The following SENP7 variants were observed in gnomAD, a reference collection of about 807,000 sequenced individuals.
The protein encoded by SENP7 is sentrin-specific protease 7.
Under a neutral mutation model 141.2 loss-of-function variants are expected in SENP7, and 64 were observed. The observed-to-expected ratio is 0.45, with a 90% CI of 0.37 to 0.56. The LOEUF (loss-of-function observed/expected upper bound fraction) is 0.56, where lower values mean the gene tolerates loss of function less well. Among genes scored for constraint, SENP7 ranks in the 20% least tolerant of loss-of-function variants. SENP7 has a pLI of 0.00. For synonymous variants in SENP7, 382 were observed against 426.4 expected (o/e 0.90, Z 1.28); for missense variants, 1,025 against 1,212.2 (o/e 0.85, Z 2.29).
chr3:101,335,978 C>G (rs1171231414), intron 17 of SENP7, among the ~76,000 whole-genome samples: 2 of 152,142 alleles, frequency 1.3e-5, no homozygotes, highest in Non-Finnish European at 2.9e-5. Context: ...CCCAGTTTGT[C>G]TAGAAAAGCC....
intron 10 of SENP7, among the ~76,000 whole-genome samples, chr3:101,363,424 C>A (rs2059952310): frequency 6.6e-6 from 1 of 152,110 alleles, no homozygotes; most frequent in South Asian, 2.1e-4. Flanking sequence ...AGAGATGTGG[C>A]ATTCTGCCTT....
intron 3 of SENP7, among the ~76,000 whole-genome samples, chr3:101,487,602 T>C (rs1206113234): frequency 6.6e-6 from 1 of 152,242 alleles, no homozygotes; most frequent in Non-Finnish European, 1.5e-5. Context: ...AGGTTTTACA[T>C]TTAAATCTTT....
intron 11 of SENP7, 87 bp downstream of exon 11, chr3:101,361,628 T>C: frequency 7.7e-7 from 1 of 1,303,758 alleles, no homozygotes; most frequent in African/African-American, 1.5e-5. Flanking sequence ...AATTCTATTC[T>C]TATTTGTGCT....
At chr3:101,427,101 G>A (rs942815354) in intron 4 of SENP7, among the ~76,000 whole-genome samples, 1 of 152,076 alleles carries the variant, frequency 6.6e-6, no homozygotes, top group African/African-American at 2.4e-5. Context: ...ACAAAATACA[G>A]GCAAATCAAA....
chr3:101,404,200 T>C (rs1001261231), intron 5 of SENP7, among the ~76,000 whole-genome samples: 1 of 152,206 alleles, frequency 6.6e-6, no homozygotes, highest in Middle Eastern at 3.4e-3. Flanking sequence ...CAAAACAGCA[T>C]GGTACTGGTA....
chr3:101,501,821 AT>A (rs1332227868), intron 1 of SENP7, among the ~76,000 whole-genome samples: 3 of 152,370 alleles, frequency 2.0e-5, no homozygotes, highest in Non-Finnish European at 2.9e-5. Flanking sequence ...TACTAAAAAA[AT>A]AAATGGCAGA....
chr3:101,448,178 G>A (rs1294985089), intron 4 of SENP7, among the ~76,000 whole-genome samples: 1 of 152,116 alleles, frequency 6.6e-6, no homozygotes, highest in African/African-American at 2.4e-5. Flanking sequence ...TCATGACCTT[G>A]GATTAGGCAG....
At chr3:101,376,749 C>T (rs980350858) in intron 6 of SENP7, among the ~76,000 whole-genome samples, 2 of 151,706 alleles carry the variant, frequency 1.3e-5, no homozygotes, top group African/African-American at 2.4e-5. Context: ...CAAACCTGCA[C>T]GTTGTGCACA....
intron 22 of SENP7, 137 bp downstream of exon 22, chr3:101,328,341 G>A (rs1405298389): frequency 3.5e-6 from 2 of 578,696 alleles, no homozygotes; most frequent in East Asian, 2.8e-5. Flanking sequence ...ATTTATTATT[G>A]ATTAAATTTA....
At chr3:101,469,221 T>C in intron 3 of SENP7, among the ~76,000 whole-genome samples, 1 of 151,930 alleles carries the variant, frequency 6.6e-6, no homozygotes. Context: ...AGCAAGTCCT[T>C]AGAGAATACA....
intron 6 of SENP7, among the ~76,000 whole-genome samples, chr3:101,385,207 C>T (rs914842742): frequency 5.3e-5 from 8 of 151,788 alleles, no homozygotes; most frequent in African/African-American, 1.9e-4. Context: ...GAAGCATTGA[C>T]ATATAGACAA....
At chr3:101,353,900 A>G (rs544547106) in intron 11 of SENP7, among the ~76,000 whole-genome samples, 1 of 151,980 alleles carries the variant, frequency 6.6e-6, no homozygotes, top group South Asian at 2.1e-4. Context: ...GTAGGTAGTC[A>G]CTGAATATAT....
intron 7 of SENP7, among the ~76,000 whole-genome samples, chr3:101,371,269 C>A (rs574814130): frequency 1.2e-4 from 19 of 152,168 alleles, no homozygotes; most frequent in African/African-American, 4.1e-4. Flanking sequence ...TGCCACTGTA[C>A]ACCAGCCTGG....
intron 20 of SENP7, 42 bp downstream of exon 20, chr3:101,330,292 C>A (rs1317676288): frequency 1.4e-6 from 2 of 1,401,116 alleles, no homozygotes; most frequent in African/African-American, 2.8e-5. Flanking sequence ...TTATTATATT[C>A]ATGAGTTTTC....
At chr3:101,438,827 C>T (rs1306665582) in intron 4 of SENP7, among the ~76,000 whole-genome samples, 1 of 152,084 alleles carries the variant, frequency 6.6e-6, no homozygotes, top group African/African-American at 2.4e-5. Flanking sequence ...TGCCGCCGCG[C>T]CGGCGAGCGC....
intron 3 of SENP7, among the ~76,000 whole-genome samples, chr3:101,487,200 A>G (rs2064765884): frequency 6.6e-6 from 1 of 152,184 alleles, no homozygotes; most frequent in African/African-American, 2.4e-5. Context: ...TGACAGCACT[A>G]TACAGGTCAT....
chr3:101,481,285 C>T (rs2064467231), intron 3 of SENP7, among the ~76,000 whole-genome samples: 1 of 152,074 alleles, frequency 6.6e-6, no homozygotes, highest in South Asian at 2.1e-4. Context: ...TGTATTTACA[C>T]AATTAAACAT....
intron 6 of SENP7, among the ~76,000 whole-genome samples, chr3:101,379,875 A>G (rs191413287): frequency 6.6e-6 from 1 of 152,340 alleles, no homozygotes; most frequent in Non-Finnish European, 1.5e-5. Context: ...CTGAACACCC[A>G]TGTTCATAAT....
chr3:101,463,311 T>C (rs933239096), intron 3 of SENP7, among the ~76,000 whole-genome samples: 1 of 145,594 alleles, frequency 6.9e-6, no homozygotes, highest in Admixed American at 7.1e-5. Context: ...ATCGTACCAC[T>C]GCAGTCAGGC....
Sources: allele counts gnomAD v4.1 joint callset (sites outside exome capture counted in the v4.1 genomes callset), GRCh38; gene constraint gnomAD v4.1.1; transcripts MANE v1.5; gene names NCBI Gene and HGNC (gene_info 2026-07-23, HGNC 2026-07-21).